The following RTL6 variants were observed in gnomAD, a reference collection of about 807,000 sequenced individuals.
The protein encoded by RTL6 is retrotransposon Gag like 6, also known as retrotransposon Gag-like protein 6.
RTL6 carries 9 observed loss-of-function variants against 12.4 expected under a neutral mutation model. The ratio of observed to expected loss-of-function variants is 0.73; its 90% CI spans 0.44 to 1.27. RTL6 has a LOEUF of 1.27. RTL6 is among the 50% of genes most tolerant of loss of function. The probability of loss-of-function intolerance (pLI) is 0.00; values close to 1 mark genes in which losing one functional copy is unlikely to be tolerated. For missense variants in RTL6, 291 were observed against 330.7 expected (o/e 0.88, Z 0.93); for synonymous variants, 160 against 142.8 (o/e 1.12, Z -0.86).
rs1476226118 is a variant in RTL6, at chr22:44,496,685, C to A, written c.*152G>T. On this transcript the variant is annotated 3_prime_UTR_variant, in exon 2 of 2. Transcript: ENST00000341255. ...TGGGCAACCAGGGCGCCAGGAAGGA[C>A]GGAAGGAAGATCTCCTCGGGGAACA... is the stretch of plus-strand genomic sequence containing the variant. 4.0e-6 allele frequency: 4 copies of A among 994,662 alleles called. No homozygotes were observed. Among genetic ancestry groups the A allele is most frequent in the Non-Finnish European group, 5.9e-6 (4 of 679,416 alleles). 61.6% of individuals were successfully genotyped at this position (994,662 alleles called of 1,614,324 possible). A position where few individuals can be genotyped will look rare whatever the true frequency, so the allele number is the denominator to read the frequency against.
Position 44,497,049 on chromosome 22 carries a change from G to A in RTL6, c.508C>T (p.Leu170=), listed in dbSNP as rs1302769876. Residue 170 remains leucine (L), a synonymous_variant, in exon 2 of 2, where the codon CTG becomes TTG. Transcript: ENST00000341255. ...TTGTAGGTTCTCCGCAACTCTGCCA[G>A]GAACCCCTGATAGTTGTTGCGCAAG... The part of the protein sequence containing the change: ...SPLRNNYQGF[L]AELRRTYKSP... 1.2e-6 allele frequency: 2 copies of A among 1,613,984 alleles called. No individual in the cohort carries two copies. The highest frequency in any genetic ancestry group is 1.7e-6 in the Non-Finnish European group (2 of 1,180,030).
rs1924428682 is a variant in RTL6 at position 44,495,741 on chromosome 22, G to GT, written c.*1095_*1096insA. ...TTGGACAAAGGCAGCCCATCTGATTGCCCAGGCACGGGGAGTACATGCTAC... is the reference window on the plus strand; with the variant it reads ...TTGGACAAAGGCAGCCCATCTGATTGTCCCAGGCACGGGGAGTACATGCTAC... On this transcript the variant is annotated 3_prime_UTR_variant, in exon 2 of 2. Coordinates refer to ENST00000341255, the MANE Select transcript of RTL6 (RefSeq NM_032287.3). The GT allele has an allele frequency of 6.6e-6, 1 of 152,242 alleles. No homozygotes were observed. Among genetic ancestry groups the GT allele is most frequent in the Non-Finnish European group, 1.5e-5 (1 of 68,084 alleles). The allele number at this position is 152,242 out of a possible 1,614,324, so 9.4% of individuals were successfully genotyped here.
rs888034302 is a variant in RTL6, at chr22:44,496,421, A to T, written c.*416T>A. ...TTCTGTCCAGAGCTCATCAATAGGAACTGGGCAACCAGGTGGGGAGCCGCC... is the reference window on the plus strand; with the variant it reads ...TTCTGTCCAGAGCTCATCAATAGGATCTGGGCAACCAGGTGGGGAGCCGCC... On this transcript the variant is annotated 3_prime_UTR_variant, in exon 2 of 2. Transcript: ENST00000341255. The T allele has an allele frequency of 5.7e-6, 1 of 176,636 alleles. No individual in the cohort carries two copies. Among genetic ancestry groups the T allele is most frequent in the Non-Finnish European group, 1.2e-5 (1 of 84,826 alleles). 10.9% of individuals were successfully genotyped at this position (176,636 alleles called of 1,614,324 possible).
chr22:44,496,753 G>T lies in RTL6; in HGVS notation c.*84C>A. 6.8e-7 allele frequency: 1 copy of T among 1,470,196 alleles called. No individual in the cohort carries two copies. The highest frequency in any genetic ancestry group is 9.1e-7 in the Non-Finnish European group (1 of 1,099,808). The allele number at this position is 1,470,196 out of a possible 1,614,324, so 91.1% of individuals were successfully genotyped here. A position where few individuals can be genotyped will look rare whatever the true frequency, so the allele number is the denominator to read the frequency against. On this transcript the variant is annotated 3_prime_UTR_variant, in exon 2 of 2. Coordinates refer to ENST00000341255, the MANE Select transcript of RTL6 (RefSeq NM_032287.3). Reference sequence around the variant, plus strand: ...AGGGAGGTCTTCAAACAGGGGCAAAGCTGTCGTATGGGCATTTCTTCTACA... The same window carrying T: ...AGGGAGGTCTTCAAACAGGGGCAAATCTGTCGTATGGGCATTTCTTCTACA...
Position 44,495,481 on chromosome 22 carries a change from T to G in RTL6, c.*1356A>C, listed in dbSNP as rs989763490. ...GCGGAACAGCACAGTCCAAAGGGCG[T>G]GGCCAAACTCAGCCACAAAATGATT... On this transcript the variant is annotated 3_prime_UTR_variant, in exon 2 of 2. Coordinates refer to ENST00000341255, the MANE Select transcript of RTL6 (RefSeq NM_032287.3). The G allele has an allele frequency of 1.3e-5, 2 of 152,614 alleles. No individual in the cohort carries two copies. The highest frequency in any genetic ancestry group is 4.8e-5 in the African/African-American group (2 of 41,430). The allele number at this position is 152,614 out of a possible 1,614,324, so 9.5% of individuals were successfully genotyped here. A position where few individuals can be genotyped will look rare whatever the true frequency, so the allele number is the denominator to read the frequency against.
chr22:44,496,109 T>A lies in RTL6; in HGVS notation c.*728A>T, dbSNP rs1924439168. 6.6e-6 allele frequency: 1 copy of A among 152,386 alleles called. No homozygotes were observed. 9.4% of individuals were successfully genotyped at this position (152,386 alleles called of 1,614,324 possible). On this transcript the variant is annotated 3_prime_UTR_variant, in exon 2 of 2. Transcript: ENST00000341255. ...CAGATTCCCCAAGCCTCTGGCTCCA[T>A]CAGAACACCAGCAGCTGAAGTCAGG...
Position 44,497,677 on chromosome 22 carries a change from C to G in RTL6, c.-121G>C, listed in dbSNP as rs1924496227. 1 of 1,365,468 alleles carries G rather than the reference C, an allele frequency of 7.3e-7. No homozygotes were observed. Among genetic ancestry groups the G allele is most frequent in the South Asian group, 1.5e-5 (1 of 66,808 alleles). The allele number at this position is 1,365,468 out of a possible 1,614,324, so 84.6% of individuals were successfully genotyped here. A position where few individuals can be genotyped will look rare whatever the true frequency, so the allele number is the denominator to read the frequency against. ...TGCACGACGGCAGGGCGCTGCGAGA[C>G]CCCCAAGCCGAGGGCCCGAGAGAGG... is the stretch of plus-strand genomic sequence containing the variant. On this transcript the variant is annotated 5_prime_UTR_variant, in exon 2 of 2. Coordinates refer to ENST00000341255, the MANE Select transcript of RTL6 (RefSeq NM_032287.3).
rs895003312 is a variant in RTL6, at chr22:44,493,414, G to A, written c.*3423C>T. The A allele has an allele frequency of 1.3e-5, 2 of 152,228 alleles. No individual in the cohort carries two copies. Among genetic ancestry groups the A allele is most frequent in the South Asian group, 2.1e-4 (1 of 4,836 alleles). The allele number at this position is 152,228 out of a possible 1,614,324, so 9.4% of individuals were successfully genotyped here. A position where few individuals can be genotyped will look rare whatever the true frequency, so the allele number is the denominator to read the frequency against. Reference sequence around the variant, plus strand: ...TTCCTCCCATCTCTACCGCATCTGCGCTGTGCCAACTGCCACCCCACCCAA... The same window carrying A: ...TTCCTCCCATCTCTACCGCATCTGCACTGTGCCAACTGCCACCCCACCCAA... On this transcript the variant is annotated 3_prime_UTR_variant, in exon 2 of 2. Coordinates refer to ENST00000341255, the MANE Select transcript of RTL6 (RefSeq NM_032287.3).
Position 44,496,777 on chromosome 22 carries a change from C to T in RTL6, c.*60G>A. The T allele has an allele frequency of 6.6e-7, 1 of 1,511,004 alleles. No homozygotes were observed. The highest frequency in any genetic ancestry group is 8.8e-7 in the Non-Finnish European group (1 of 1,131,606). 93.6% of individuals were successfully genotyped at this position (1,511,004 alleles called of 1,614,324 possible). ...AGCTGTCGTATGGGCATTTCTTCTA[C>T]ACAGCAAAGAGCGTATGCTACCTGG... On this transcript the variant is annotated 3_prime_UTR_variant, in exon 2 of 2. Transcript: ENST00000341255.
rs764170206 is a variant in RTL6 at position 44,496,942 on chromosome 22, G to A, written c.615C>T (p.Leu205=). The A allele has an allele frequency of 1.2e-6, 2 of 1,613,614 alleles. No homozygotes were observed. The highest frequency in any genetic ancestry group is 1.7e-6 in the Non-Finnish European group (2 of 1,179,842). The change falls in exon 2 of 2, where the codon CTC becomes CTT. Residue 205 remains leucine (L), a synonymous_variant. Transcript: ENST00000341255. ...TGCCCGCAGAGGCCAGCTGGCGGCA[G>A]AGCATCTGCCTCTCTCGCACAGCCC... ...SNRAVRERQM[L]CRQLASAGTG...
rs140447715 is a variant in RTL6, at chr22:44,496,050, G to C, written c.*787C>G. 1 of 152,422 alleles carries C rather than the reference G, an allele frequency of 6.6e-6. No homozygotes were observed. Among genetic ancestry groups the C allele is most frequent in the African/African-American group, 2.4e-5 (1 of 41,574 alleles). 9.4% of individuals were successfully genotyped at this position (152,422 alleles called of 1,614,324 possible). A position where few individuals can be genotyped will look rare whatever the true frequency, so the allele number is the denominator to read the frequency against. On this transcript the variant is annotated 3_prime_UTR_variant, in exon 2 of 2. Coordinates refer to ENST00000341255, the MANE Select transcript of RTL6 (RefSeq NM_032287.3). ...CCTGATAGACCTGCCCAATGGCTGAGAGTCCACCACGACCTTATTTAGCAG... is the reference window on the plus strand; with the variant it reads ...CCTGATAGACCTGCCCAATGGCTGACAGTCCACCACGACCTTATTTAGCAG...
In RTL6 at chr22:44,497,379, C is replaced by T; in HGVS notation, c.178G>A (p.Val60Met). 1 of 1,613,384 alleles carries T rather than the reference C, an allele frequency of 6.2e-7. No individual in the cohort carries two copies. The highest frequency in any genetic ancestry group is 8.5e-7 in the Non-Finnish European group (1 of 1,179,474). ...KANLTNMLES[V>M]MAELTLLRTR... ...CGTAACAAGGTCAGCTCTGCCATCA[C>T]GCTCTCCAGCATGTTGGTGAGATTG... The change falls in exon 2 of 2, where the codon GTG (valine) becomes ATG (methionine). Residue 60 changes from valine (V) to methionine (M), a missense_variant. By Grantham distance (21) the Val-to-Met change is conservative. Coordinates refer to ENST00000341255, the MANE Select transcript of RTL6 (RefSeq NM_032287.3).
rs1281585602 is a variant in RTL6 at position 44,496,715 on chromosome 22, T to A, written c.*122A>T. On this transcript the variant is annotated 3_prime_UTR_variant, in exon 2 of 2. Coordinates refer to ENST00000341255, the MANE Select transcript of RTL6 (RefSeq NM_032287.3). ...GGAAGATCTCCTCGGGGAACACGTC[T>A]GGAGAGGCAAGAAGGGAGGTCTTCA... 5 of 1,241,268 alleles carry A rather than the reference T, an allele frequency of 4.0e-6. No individual in the cohort carries two copies. Among genetic ancestry groups the A allele is most frequent in the Non-Finnish European group, 5.6e-6 (5 of 898,754 alleles). The allele number at this position is 1,241,268 out of a possible 1,614,324, so 76.9% of individuals were successfully genotyped here.
chr22:44,497,623 G>A lies in RTL6; in HGVS notation c.-67C>T. 6.4e-7 allele frequency: 1 copy of A among 1,551,842 alleles called. No individual in the cohort carries two copies. The highest frequency in any genetic ancestry group is 1.2e-5 in the South Asian group (1 of 81,392). ...CCAAGAGGGTGTGGTGACCAGGTGG[G>A]CCCCTGTAGAAATGGGGGCAGTGTG... On this transcript the variant is annotated 5_prime_UTR_variant, in exon 2 of 2. Transcript: ENST00000341255.
chr22:44,496,978 A>G lies in RTL6; in HGVS notation c.579T>C (p.Ser193=). The G allele has an allele frequency of 1.2e-6, 2 of 1,614,046 alleles. No individual in the cohort carries two copies. The highest frequency in any genetic ancestry group is 1.7e-6 in the Non-Finnish European group (2 of 1,179,984). Residue 193 remains serine, a synonymous_variant, in exon 2 of 2, where the codon TCT becomes TCC. Coordinates refer to ENST00000341255, the MANE Select transcript of RTL6 (RefSeq NM_032287.3). The part of the protein sequence containing the change: ...HARRAQIRKT[S]ASNRAVRERQ... ...TCTCTCGCACAGCCCTATTAGAGGC[A>G]GAAGTCTTCCTGATTTGGGCGCGCC... is the stretch of plus-strand genomic sequence containing the variant.
Position 44,496,130 on chromosome 22 carries a change from T to C in RTL6, c.*707A>G, listed in dbSNP as rs1395592538. 1 of 152,394 alleles carries C rather than the reference T, an allele frequency of 6.6e-6. No homozygotes were observed. Among genetic ancestry groups the C allele is most frequent in the Non-Finnish European group, 1.5e-5 (1 of 68,198 alleles). The allele number at this position is 152,394 out of a possible 1,614,324, so 9.4% of individuals were successfully genotyped here. On this transcript the variant is annotated 3_prime_UTR_variant, in exon 2 of 2. Coordinates refer to ENST00000341255, the MANE Select transcript of RTL6 (RefSeq NM_032287.3). ...TCCATCAGAACACCAGCAGCTGAAG[T>C]CAGGCATTAACAGAGGTGCAACATT...
chr22:44,497,164 C>G lies in RTL6; in HGVS notation c.393G>C (p.Pro131=), dbSNP rs776555729. Residue 131 remains proline (P), a synonymous_variant, in exon 2 of 2, where the codon CCG becomes CCC. Coordinates refer to ENST00000341255, the MANE Select transcript of RTL6 (RefSeq NM_032287.3). The stretch of plus-strand genomic sequence containing the variant: ...GGAAGGCCACACGCTCGGCCTCACC[C>G]GGGAAGCGGGAGGCCTGGAAGATCA... ...RFMIFQASRF[P]GEAERVAFLV... is the part of the protein sequence containing the mutation. 2 of 1,613,714 alleles carry G rather than the reference C, an allele frequency of 1.2e-6. No individual in the cohort carries two copies. The highest frequency in any genetic ancestry group is 1.7e-6 in the Non-Finnish European group (2 of 1,179,788).
In RTL6 at chr22:44,493,129, C is replaced by T. The variant is rs1036678821; in HGVS notation, c.*3708G>A. On this transcript the variant is annotated 3_prime_UTR_variant, in exon 2 of 2. Coordinates refer to ENST00000341255, the MANE Select transcript of RTL6 (RefSeq NM_032287.3). The stretch of plus-strand genomic sequence containing the variant: ...TAGTAATCATAAGGGGAGATGCCCA[C>T]GATATGCTAAGTGAAAACAGCTGCA... 6.6e-6 allele frequency: 1 copy of T among 152,068 alleles called. No homozygotes were observed. The highest frequency in any genetic ancestry group is 1.5e-5 in the Non-Finnish European group (1 of 68,028). The allele number at this position is 152,068 out of a possible 1,614,324, so 9.4% of individuals were successfully genotyped here.
At position 44,497,392 on chromosome 22, in the gene RTL6, G is replaced by A; in HGVS notation, c.165C>T (p.Asn55=). The change falls in exon 2 of 2, where the codon AAC becomes AAT. Residue 55 remains asparagine, a synonymous_variant. Transcript: ENST00000341255. ...TLRAEKANLT[N]MLESVMAELT... is the part of the protein sequence containing the mutation. ...GCTCTGCCATCACGCTCTCCAGCAT[G>A]TTGGTGAGATTGGCCTTCTCCGCCC... 2 of 1,614,074 alleles carry A rather than the reference G, an allele frequency of 1.2e-6. No individual in the cohort carries two copies. Among genetic ancestry groups the A allele is most frequent in the Middle Eastern group, 3.3e-4 (2 of 6,060 alleles).
Sources: gnomAD v4.1 joint callset for allele counts on GRCh38, gnomAD v4.1.1 for gene constraint, MANE v1.5 for transcripts, NCBI Gene and HGNC (gene_info 2026-07-23, HGNC 2026-07-21) for gene names.